SS18L1: variants seen among roughly 807,000 people sequenced by gnomAD.
The protein encoded by SS18L1 is SS18L1 subunit of BAF chromatin remodeling complex, also known as calcium-responsive transactivator.
A neutral mutation model predicts 70.3 loss-of-function variants in SS18L1; 32 were observed. The ratio of observed to expected loss-of-function variants is 0.46; its 90% CI spans 0.34 to 0.61. The LOEUF is 0.61. SS18L1 is among the 20% of genes least tolerant of loss of function. The pLI, the probability that SS18L1 is intolerant of heterozygous loss-of-function variation, is 0.01. For missense variants in SS18L1, 430 were observed against 542.1 expected, an observed-to-expected ratio of 0.79 and a Z score of 2.05; for synonymous variants, 237 against 229.7, an observed-to-expected ratio of 1.03 and a Z score of -0.29.
chr20:62,152,509 C>T (rs978984686), intron 1 of SS18L1, among the ~76,000 whole-genome samples: 1 of 152,210 alleles, frequency 6.6e-6, no homozygotes, highest in Non-Finnish European at 1.5e-5. Flanking sequence ...TGTAGAAACT[C>T]GGCCTCTTAG....
intron 1 of SS18L1, among the ~76,000 whole-genome samples, chr20:62,149,694 C>G (rs781564197): frequency 7.2e-5 from 11 of 152,236 alleles, no homozygotes; most frequent in Non-Finnish European, 1.5e-4. Flanking sequence ...TAAGGCAATG[C>G]CCAGCAGCCT....
At chr20:62,168,079 C>T (rs2057467411) in intron 8 of SS18L1, among the ~76,000 whole-genome samples, 1 of 151,420 alleles carries the variant, frequency 6.6e-6, no homozygotes, top group Admixed American at 6.6e-5. Flanking sequence ...CCACCTCAGC[C>T]TCCTACAGTG....
chr20:62,144,177 G>A (rs1214686735), intron 1 of SS18L1, among the ~76,000 whole-genome samples: 3 of 151,370 alleles, frequency 2.0e-5, no homozygotes, highest in Non-Finnish European at 4.4e-5. Context: ...GCGGACGCTG[G>A]AGGCTGCCGG....
chr20:62,156,605 C>G (rs1036250229), intron 1 of SS18L1, among the ~76,000 whole-genome samples: 4 of 152,254 alleles, frequency 2.6e-5, no homozygotes, highest in African/African-American at 9.6e-5. Context: ...GGCAGTCACT[C>G]AGCTGGGGCT....
chr20:62,163,030 C>T (rs1012301666), intron 5 of SS18L1, 99 bp downstream of exon 5: 2 of 1,475,004 alleles, frequency 1.4e-6, no homozygotes, highest in Non-Finnish European at 1.8e-6. Context: ...AGCTGCCCTC[C>T]TGCTGGGTGC....
chr20:62,149,466 A>C (rs1172352058), intron 1 of SS18L1, among the ~76,000 whole-genome samples: 2 of 152,244 alleles, frequency 1.3e-5, no homozygotes, highest in Non-Finnish European at 2.9e-5. Flanking sequence ...TATCCTCCTC[A>C]AATGGGAAAT....
rs1388321984 is a variant in SS18L1 at position 62,164,020 on chromosome 20, C to T, written c.722-125C>T. 8 of 744,500 alleles carry T rather than the reference C, an allele frequency of 1.1e-5. 1 individual carries two copies. The highest frequency in any genetic ancestry group is 1.8e-5 in the African/African-American group (1 of 56,670). 46.1% of individuals were successfully genotyped at this position (744,500 alleles called of 1,614,324 possible). ...AAACATAAGTTGGATACGATGACAG[C>T]GTGGGGTGTTCTCCTCGGGTGGGTG... On this transcript the variant is annotated intron_variant, in intron 6 of 10. Coordinates refer to ENST00000331758, the MANE Select transcript of SS18L1 (RefSeq NM_198935.3).
intron 9 of SS18L1, among the ~76,000 whole-genome samples, 190 bp downstream of exon 9, chr20:62,172,991 G>A (rs2057560327): frequency 6.6e-6 from 1 of 152,232 alleles, no homozygotes. Flanking sequence ...GTACGTGCCC[G>A]GTGACCCTGG....
chr20:62,144,713 A>G (rs1010030161), intron 1 of SS18L1, among the ~76,000 whole-genome samples: 6 of 152,264 alleles, frequency 3.9e-5, no homozygotes, highest in Non-Finnish European at 8.8e-5. Context: ...CAAAGCCCTA[A>G]GTTTTGAAAT....
At chr20:62,160,377 AGAGGT>A (rs1568748020) in intron 3 of SS18L1, among the ~76,000 whole-genome samples, 1 of 7,288 alleles carries the variant, frequency 1.4e-4, no homozygotes, top group Non-Finnish European at 2.9e-4. Flanking sequence ...AGAGGTGGGG[AGAGGT>A]GGGGTGGGGA....
At chr20:62,148,571 G>C (rs1458931183) in intron 1 of SS18L1, among the ~76,000 whole-genome samples, 1 of 151,920 alleles carries the variant, frequency 6.6e-6, no homozygotes, top group Non-Finnish European at 1.5e-5. Context: ...TCTTAGGTGA[G>C]GGAGGCTCAG....
chr20:62,160,471 C>T (rs140801338), intron 3 of SS18L1, among the ~76,000 whole-genome samples: 2,582 of 151,974 alleles, frequency 0.017, 33 homozygotes, highest in Non-Finnish European at 0.025. Flanking sequence ...CACTGTGAAC[C>T]GTGCACATGC....
At chr20:62,169,156 C>G (rs1299472248) in intron 8 of SS18L1, among the ~76,000 whole-genome samples, 1 of 152,214 alleles carries the variant, frequency 6.6e-6, no homozygotes, top group African/African-American at 2.4e-5. Flanking sequence ...CCCCTCGTGA[C>G]CTGGCATCTG....
chr20:62,148,603 G>C lies in SS18L1; in HGVS notation c.69+4714G>C, dbSNP rs113346145. On this transcript the variant is annotated intron_variant, in intron 1 of 10. Transcript: ENST00000331758. Reference sequence around the variant, plus strand: ...TCAGCCTCCTTGCTGTCTTCGGTCAGGTGAGGGAGGCTCGGCCTCCTTGCT... The same window carrying C: ...TCAGCCTCCTTGCTGTCTTCGGTCACGTGAGGGAGGCTCGGCCTCCTTGCT... Among the ~76,000 whole-genome samples, 273 of 152,250 alleles carry C rather than the reference G, an allele frequency of 1.8e-3. 2 individuals carry two copies. Among genetic ancestry groups the C allele is most frequent in the African/African-American group, 6.2e-3 (258 of 41,554 alleles).
At chr20:62,151,354 C>A (rs2057126211) in intron 1 of SS18L1, among the ~76,000 whole-genome samples, 1 of 152,220 alleles carries the variant, frequency 6.6e-6, no homozygotes, top group Non-Finnish European at 1.5e-5. Flanking sequence ...TCAGTCCCCG[C>A]TTGCCAAATC....
intron 8 of SS18L1, among the ~76,000 whole-genome samples, chr20:62,171,066 T>A (rs2057523282): frequency 6.6e-6 from 1 of 151,818 alleles, no homozygotes; most frequent in Admixed American, 6.6e-5. Context: ...CATGCCGGGC[T>A]AAATTTTTTG....
intron 1 of SS18L1, among the ~76,000 whole-genome samples, chr20:62,148,398 G>A (rs111800789): frequency 0.048 from 7,009 of 147,238 alleles, 93 homozygotes; most frequent in African/African-American, 0.072. Context: ...TCAGGTGAGG[G>A]AGGCTCGGCC....
intron 5 of SS18L1, among the ~76,000 whole-genome samples, 161 bp downstream of exon 5, chr20:62,163,092 C>T (rs569297333): frequency 1.4e-4 from 22 of 152,272 alleles, no homozygotes; most frequent in African/African-American, 4.8e-4. Context: ...TGAGAGCTTC[C>T]GGAGGGATGG....
rs187416287 is a variant in SS18L1 at position 62,146,497 on chromosome 20, C to T, written c.69+2608C>T. On this transcript the variant is annotated intron_variant, in intron 1 of 10. Transcript: ENST00000331758. ...CTCACAGTTCTGGAGACCAGAAGTC[C>T]CAAGTCCAGGGGTCAGTTACCTGCT... 6.6e-5 allele frequency among the ~76,000 whole-genome samples: 10 copies of T among 152,256 alleles called. No homozygotes were observed. In the East Asian group the frequency reaches 1.2e-3, roughly 18 times the overall value.
Sources: gnomAD v4.1 joint callset for allele counts (sites outside exome capture counted in the v4.1 genomes callset) on GRCh38, gnomAD v4.1.1 for gene constraint, MANE v1.5 for transcripts, NCBI Gene and HGNC (gene_info 2026-07-23, HGNC 2026-07-21) for gene names.